The following PPP1R17 variants were observed in gnomAD, a reference collection of about 807,000 sequenced individuals.
PPP1R17 encodes the protein G-substrate.
PPP1R17 carries 12 observed loss-of-function variants against 15.9 expected under a neutral mutation model. That is an observed-to-expected ratio of 0.75 (90% CI 0.48 to 1.22). PPP1R17 has a LOEUF of 1.22. PPP1R17 is among the 50% of genes most tolerant of loss of function. The probability of loss-of-function intolerance (pLI) is 0.00; values close to 1 mark genes in which losing one functional copy is unlikely to be tolerated. For synonymous variants in PPP1R17, 63 were observed against 64.5 expected (o/e 0.98, Z 0.11); for missense variants, 211 against 187.3 (o/e 1.13, Z -0.74).
chr7:31,703,567 C>T (rs1463314761), intron 4 of PPP1R17, among the ~76,000 whole-genome samples: 1 of 152,158 alleles, frequency 6.6e-6, no homozygotes, highest in Non-Finnish European at 1.5e-5. Context: ...CTTTCATTAC[C>T]ATATTAGCTG....
chr7:31,705,167 A>C (rs1489449637), intron 4 of PPP1R17, among the ~76,000 whole-genome samples: 1 of 152,198 alleles, frequency 6.6e-6, no homozygotes. Context: ...GTGATGATTT[A>C]ACAGGCTTTT....
At chr7:31,694,397 C>CACACACACACACACACAT (rs1554307578) in intron 2 of PPP1R17, among the ~76,000 whole-genome samples, 11 of 151,678 alleles carry the variant, frequency 7.3e-5, no homozygotes, top group African/African-American at 2.7e-4. Context: ...AACACACACA[C>CACACACACACACACACAT]ACACACACAC....
chr7:31,701,021 C>T (rs1474448607), intron 4 of PPP1R17, among the ~76,000 whole-genome samples: 1 of 152,154 alleles, frequency 6.6e-6, no homozygotes, highest in Non-Finnish European at 1.5e-5. Flanking sequence ...AATGTAGCAT[C>T]TATTCTGGAG....
At chr7:31,687,876 C>A (rs1401133048) in intron 1 of PPP1R17, among the ~76,000 whole-genome samples, 1 of 152,102 alleles carries the variant, frequency 6.6e-6, no homozygotes, top group Non-Finnish European at 1.5e-5. Flanking sequence ...AAATCAAGAC[C>A]TGATTACTTT....
intron 4 of PPP1R17, among the ~76,000 whole-genome samples, chr7:31,700,755 A>C (rs371160842): frequency 6.6e-6 from 1 of 152,124 alleles, no homozygotes; most frequent in Non-Finnish European, 1.5e-5. Context: ...CTCATTTACT[A>C]TTCTGAAAAT....
intron 1 of PPP1R17, among the ~76,000 whole-genome samples, chr7:31,691,754 G>A (rs1056969262): frequency 2.9e-5 from 4 of 137,630 alleles, no homozygotes; most frequent in Non-Finnish European, 6.2e-5. Flanking sequence ...TGGATGGGGA[G>A]GTAGTCTCTT....
At chr7:31,703,620 G>A (rs1438274643) in intron 4 of PPP1R17, among the ~76,000 whole-genome samples, 1 of 152,186 alleles carries the variant, frequency 6.6e-6, no homozygotes, top group Non-Finnish European at 1.5e-5. Flanking sequence ...CTAAAGATTT[G>A]GCAGTAATCA....
chr7:31,688,312 G>A (rs6462292), intron 1 of PPP1R17, among the ~76,000 whole-genome samples: 35,445 of 152,142 alleles, frequency 0.23, 4,887 homozygotes, highest in African/African-American at 0.38. Context: ...GCAGCCAAAC[G>A]TTGGCTTCTA....
intron 4 of PPP1R17, among the ~76,000 whole-genome samples, chr7:31,701,683 T>C (rs558028150): frequency 6.6e-6 from 1 of 152,348 alleles, no homozygotes; most frequent in South Asian, 2.1e-4. Flanking sequence ...CACTGTCATC[T>C]TGAGAGATTG....
intron 3 of PPP1R17, among the ~76,000 whole-genome samples, chr7:31,696,621 A>G (rs1792594595): frequency 6.6e-6 from 1 of 152,090 alleles, no homozygotes; most frequent in Admixed American, 6.6e-5. Flanking sequence ...AGGCAGAAAA[A>G]CTTGGGCTCA....
At chr7:31,694,824 G>T (rs1278975871) in intron 2 of PPP1R17, among the ~76,000 whole-genome samples, 1 of 152,160 alleles carries the variant, frequency 6.6e-6, no homozygotes, top group Non-Finnish European at 1.5e-5. Flanking sequence ...TAAAAGCCAG[G>T]CTTCAAAGCT....
intron 4 of PPP1R17, among the ~76,000 whole-genome samples, chr7:31,698,743 A>G (rs921184306): frequency 1.3e-5 from 2 of 152,262 alleles, no homozygotes; most frequent in Non-Finnish European, 2.9e-5. Flanking sequence ...TGCTGTGAAG[A>G]AAATAAATCT....
intron 1 of PPP1R17, among the ~76,000 whole-genome samples, chr7:31,688,342 A>G (rs537462320): frequency 1.3e-5 from 2 of 152,258 alleles, no homozygotes; most frequent in Non-Finnish European, 2.9e-5. Context: ...GACTCACAGC[A>G]TCCAATCTTA....
chr7:31,689,872 C>T (rs532754875), intron 1 of PPP1R17, among the ~76,000 whole-genome samples: 6 of 152,330 alleles, frequency 3.9e-5, no homozygotes, highest in Admixed American at 2.6e-4. Flanking sequence ...AATCCCAGAT[C>T]TGGAAATTGT....
At chr7:31,701,199 T>G (rs1053122626) in intron 4 of PPP1R17, among the ~76,000 whole-genome samples, 1 of 152,230 alleles carries the variant, frequency 6.6e-6, no homozygotes, top group Non-Finnish European at 1.5e-5. Context: ...TAAGAACATT[T>G]GTGACTCAAG....
chr7:31,693,710 G>C (rs977216510), intron 2 of PPP1R17, among the ~76,000 whole-genome samples: 3 of 152,168 alleles, frequency 2.0e-5, no homozygotes, highest in Admixed American at 2.0e-4. Flanking sequence ...TTTGCATCTA[G>C]ACCCACCAAG....
Position 31,691,626 on chromosome 7 carries a change from A to G in PPP1R17, c.-36-780A>G, listed in dbSNP as rs182659834. On this transcript the variant is annotated intron_variant, in intron 1 of 4. Coordinates refer to ENST00000342032, the MANE Select transcript of PPP1R17 (RefSeq NM_006658.5). ...GAAAGTTCAATGAACTTTCCAGGAA[A>G]GATGGAGGGTGGGGACGGGGACAGA... Among the ~76,000 whole-genome samples the G allele has an allele frequency of 3.3e-3, 501 of 152,100 alleles. 3 individuals are homozygous for G. Among genetic ancestry groups the G allele is most frequent in the African/African-American group, 0.012 (492 of 41,492 alleles).
chr7:31,697,629 A>G (rs1257585568), intron 4 of PPP1R17, among the ~76,000 whole-genome samples: 1 of 147,068 alleles, frequency 6.8e-6, no homozygotes, highest in Non-Finnish European at 1.5e-5. Context: ...TGTGAGATAC[A>G]GTCCTTGTCT....
At chr7:31,695,420 T>C in intron 2 of PPP1R17, 49 bp from the exon 3 acceptor site, 1 of 1,526,114 alleles carries the variant, frequency 6.6e-7, no homozygotes, top group African/African-American at 1.4e-5. Flanking sequence ...TGTGACTGGA[T>C]CCTTAATCAT....
Sources: allele counts gnomAD v4.1 joint callset (sites outside exome capture counted in the v4.1 genomes callset), GRCh38; gene constraint gnomAD v4.1.1; transcripts MANE v1.5; gene names NCBI Gene and HGNC (gene_info 2026-07-23, HGNC 2026-07-21).